Variants in TMEM150C observed in about 807,000 individuals in gnomAD.
The protein encoded by TMEM150C is transmembrane protein 150C.
Under a neutral mutation model 29.9 loss-of-function variants are expected in TMEM150C, and 10 were observed. That is an observed-to-expected ratio of 0.33 (90% CI 0.21 to 0.57). The LOEUF is 0.57. Among genes scored for constraint, TMEM150C ranks in the 20% least tolerant of loss-of-function variants. The pLI, the probability that TMEM150C is intolerant of heterozygous loss-of-function variation, is 0.88. For missense variants in TMEM150C, 251 were observed against 303.6 expected, an observed-to-expected ratio of 0.83 and a Z score of 1.29; for synonymous variants, 101 against 112.5, an observed-to-expected ratio of 0.90 and a Z score of 0.64.
intron 1 of TMEM150C, among the ~76,000 whole-genome samples, chr4:82,557,561 T>G (rs1725772462): frequency 6.6e-6 from 1 of 152,088 alleles, no homozygotes; most frequent in African/African-American, 2.4e-5. Context: ...TAAGCCCAAG[T>G]TCATGAACAC....
intron 1 of TMEM150C, among the ~76,000 whole-genome samples, chr4:82,510,677 G>T (rs1466258302): frequency 6.6e-6 from 1 of 152,196 alleles, no homozygotes; most frequent in Admixed American, 6.5e-5. Context: ...TGCTGAAAGT[G>T]CTGTTGGGGG....
At chr4:82,562,184 G>C (rs775917023), upstream of TMEM150C, 1 of 1,283,416 alleles carries the variant, frequency 7.8e-7, no homozygotes, top group South Asian at 1.2e-5. Context: ...GCCGGGTGTG[G>C]GCGGGCGAGC....
chr4:82,485,789 A>T, intron 7 of TMEM150C, 70 bp from the exon 8 acceptor site: 1 of 1,408,528 alleles, frequency 7.1e-7, no homozygotes, highest in Non-Finnish European at 9.7e-7. Context: ...CAGGGCAGAG[A>T]CAGATTATAG....
intron 1 of TMEM150C, among the ~76,000 whole-genome samples, chr4:82,515,460 C>T (rs1228141454): frequency 1.3e-5 from 2 of 152,062 alleles, no homozygotes; most frequent in East Asian, 1.9e-4. Context: ...ATCTCTTGGC[C>T]GGGCGCGGTG....
chr4:82,534,524 C>G (rs1459724579), intron 1 of TMEM150C, among the ~76,000 whole-genome samples: 1 of 152,072 alleles, frequency 6.6e-6, no homozygotes, highest in Non-Finnish European at 1.5e-5. Flanking sequence ...AAAGACATCC[C>G]AAATAAATGG....
In TMEM150C at chr4:82,483,980, CG is replaced by C. The variant is rs1190239109; in HGVS notation, c.*1530del. On this transcript the variant is annotated 3_prime_UTR_variant, in exon 8 of 8. Coordinates refer to ENST00000449862, the MANE Select transcript of TMEM150C (RefSeq NM_001080506.3). ...AATTTTGTATTTTTTTTAGTAGAGA[CG>C]GGGTTTCTTCACATTGGTCAGGCTG... is the stretch of plus-strand genomic sequence containing the variant. 2.6e-5 allele frequency: 4 copies of C among 151,718 alleles called. No individual in the cohort carries two copies. Among genetic ancestry groups the C allele is most frequent in the African/African-American group, 9.7e-5 (4 of 41,296 alleles). 9.4% of individuals were successfully genotyped at this position (151,718 alleles called of 1,614,324 possible).
chr4:82,540,309 A>G (rs1725160885), intron 1 of TMEM150C, among the ~76,000 whole-genome samples: 1 of 150,742 alleles, frequency 6.6e-6, no homozygotes, highest in Non-Finnish European at 1.5e-5. Flanking sequence ...ATGGGGTCTC[A>G]CTATGTGGCC....
chr4:82,503,934 G>A (rs1363166096), intron 2 of TMEM150C, among the ~76,000 whole-genome samples: 1 of 151,916 alleles, frequency 6.6e-6, no homozygotes, highest in Non-Finnish European at 1.5e-5. Context: ...GACTGCAGAC[G>A]GAACCCATGG....
intron 1 of TMEM150C, among the ~76,000 whole-genome samples, chr4:82,512,760 C>A (rs75104063): frequency 0.026 from 3,900 of 152,220 alleles, 168 homozygotes; most frequent in African/African-American, 0.081. Context: ...CTGAATTATA[C>A]ACTTAGCAAT....
At chr4:82,509,838 ACT>A (rs1724062175) in intron 1 of TMEM150C, 1 of 151,966 alleles carries the variant, frequency 6.6e-6, no homozygotes. Flanking sequence ...ATAAAGTCAA[ACT>A]CACATGATTA....
At chr4:82,561,768 C>G (rs1040407644) in intron 1 of TMEM150C, 138 bp downstream of exon 1, 3 of 595,500 alleles carry the variant, frequency 5.0e-6, no homozygotes, top group African/African-American at 4.1e-5. Flanking sequence ...GGCCCCGCAG[C>G]CGGGCGGACC....
At chr4:82,544,460 G>A (rs775983679) in intron 1 of TMEM150C, among the ~76,000 whole-genome samples, 3 of 152,168 alleles carry the variant, frequency 2.0e-5, no homozygotes, top group African/African-American at 4.8e-5. Context: ...CAGCATAGGC[G>A]CCAGAGTTGA....
At chr4:82,498,218 T>C (rs2110066893) in intron 5 of TMEM150C, among the ~76,000 whole-genome samples, 1 of 151,970 alleles carries the variant, frequency 6.6e-6, no homozygotes, top group East Asian at 1.9e-4. Flanking sequence ...TTTCACCATA[T>C]TGGTCAGGCT....
At chr4:82,501,984 G>A (rs1282312636) in intron 5 of TMEM150C, among the ~76,000 whole-genome samples, 2 of 152,162 alleles carry the variant, frequency 1.3e-5, no homozygotes, top group Non-Finnish European at 2.9e-5. Flanking sequence ...ACATCATCCT[G>A]ACAGTGATAG....
Position 82,502,729 on chromosome 4 carries a change from A to T in TMEM150C, c.233T>A (p.Leu78Gln). ...AGCGTTCTTTACCCTCTTCTTACCT[A>T]GGAAGGCTGCCATGTTCATAACTTG... ...FSQVMNMAAF[L>Q]ALVVAVLRFI... is the part of the protein sequence containing the mutation. Residue 78 changes from leucine to glutamine, a missense_variant and splice_region_variant, in exon 5 of 8, where the codon CTA (leucine) becomes CAA (glutamine). By Grantham distance (113) the Leu-to-Gln change is moderately radical. Coordinates refer to ENST00000449862, the MANE Select transcript of TMEM150C (RefSeq NM_001080506.3). The T allele has an allele frequency of 6.2e-7, 1 of 1,608,980 alleles. No homozygotes were observed. Among genetic ancestry groups the T allele is most frequent in the Non-Finnish European group, 8.5e-7 (1 of 1,177,458 alleles).
At chr4:82,547,051 C>A (rs1188637798) in intron 1 of TMEM150C, among the ~76,000 whole-genome samples, 1 of 151,868 alleles carries the variant, frequency 6.6e-6, no homozygotes, top group African/African-American at 2.4e-5. Context: ...AGAAGTGGGA[C>A]CTAATTAAGC....
chr4:82,505,703 C>T (rs1296425312), intron 1 of TMEM150C, among the ~76,000 whole-genome samples: 1 of 152,100 alleles, frequency 6.6e-6, no homozygotes, highest in African/African-American at 2.4e-5. Flanking sequence ...TTGTGTATAA[C>T]TTTAAATTAG....
chr4:82,518,891 G>A (rs1724383599), intron 1 of TMEM150C, among the ~76,000 whole-genome samples: 1 of 152,160 alleles, frequency 6.6e-6, no homozygotes, highest in Non-Finnish European at 1.5e-5. Flanking sequence ...TAGATAGCCT[G>A]TTCTCTTCCT....
intron 1 of TMEM150C, among the ~76,000 whole-genome samples, chr4:82,541,755 T>C (rs908291942): frequency 2.0e-5 from 3 of 152,178 alleles, no homozygotes; most frequent in Non-Finnish European, 2.9e-5. Flanking sequence ...AGTCTATCCA[T>C]GGTTAAATAG....
Sources: allele counts gnomAD v4.1 joint callset (sites outside exome capture counted in the v4.1 genomes callset), GRCh38; gene constraint gnomAD v4.1.1; transcripts MANE v1.5; gene names NCBI Gene and HGNC (gene_info 2026-07-23, HGNC 2026-07-21).